Variants in TRMT44 observed in about 807,000 individuals in gnomAD.
TRMT44 encodes the protein tRNA methyltransferase 44 homolog.
A neutral mutation model predicts 77.3 loss-of-function variants in TRMT44; 78 were observed. The ratio of observed to expected loss-of-function variants is 1.01; its 90% CI spans 0.84 to 1.22. TRMT44 has a LOEUF of 1.22. TRMT44 is among the 50% of genes most tolerant of loss of function. TRMT44 has a pLI of 0.00. For synonymous variants in TRMT44, 391 were observed against 383.3 expected, an observed-to-expected ratio of 1.02 and a Z score of -0.23; for missense variants, 1,090 against 964.4, an observed-to-expected ratio of 1.13 and a Z score of -1.73.
chr4:8,508,335 G>A, the TRMT44 span, among the ~76,000 whole-genome samples: 1 of 152,368 alleles, frequency 6.6e-6, no homozygotes, highest in East Asian at 1.9e-4. Flanking sequence ...AGCAGGGGCT[G>A]CGGCTGGAGG....
intron 5 of TRMT44, 123 bp downstream of exon 5, chr4:8,453,112 A>G: frequency 1.8e-6 from 1 of 564,520 alleles, no homozygotes; most frequent in East Asian, 3.2e-5. Context: ...CAGCTATCAG[A>G]GTAGGTAGAG....
chr4:8,487,462 G>A (rs1727846745), intron 2 of TRMT44, among the ~76,000 whole-genome samples: 1 of 151,988 alleles, frequency 6.6e-6, no homozygotes, highest in South Asian at 2.1e-4. Context: ...AAGAGGTCGG[G>A]GCATGGAAAT....
At chr4:8,500,217 T>G in the TRMT44 span, among the ~76,000 whole-genome samples, 2 of 151,122 alleles carry the variant, frequency 1.3e-5, no homozygotes, top group South Asian at 4.2e-4. Flanking sequence ...AACAGCTGGG[T>G]GCGGTGGCTC....
In TRMT44 at chr4:8,458,706, C is replaced by T. The variant is rs570594860; in HGVS notation, c.1203+3893C>T. Reference sequence around the variant, plus strand: ...CTGACCTCAAGTGATCCACCCACCTCGGCCTCCCAAAGTACTGTGATTACA... The same window carrying T: ...CTGACCTCAAGTGATCCACCCACCTTGGCCTCCCAAAGTACTGTGATTACA... On this transcript the variant is annotated intron_variant, in intron 6 of 10. Coordinates refer to ENST00000389737, the MANE Select transcript of TRMT44 (RefSeq NM_152544.3). 5.2e-4 allele frequency among the ~76,000 whole-genome samples: 79 copies of T among 152,114 alleles called. 2 individuals are homozygous for T. The highest frequency in any genetic ancestry group is 4.1e-4 in the South Asian group (2 of 4,826).
At chr4:8,460,615 G>A (rs1043714447) in intron 6 of TRMT44, among the ~76,000 whole-genome samples, 7 of 149,990 alleles carry the variant, frequency 4.7e-5, no homozygotes, top group Non-Finnish European at 7.4e-5. Context: ...GTACAGTGGC[G>A]TGATCTCGGC....
chr4:8,462,328 T>G (rs1375194507), intron 6 of TRMT44, among the ~76,000 whole-genome samples: 1 of 152,116 alleles, frequency 6.6e-6, no homozygotes, highest in African/African-American at 2.4e-5. Context: ...GGAGAATCTC[T>G]TGAACCAGGG....
intron 10 of TRMT44, 45 bp downstream of exon 10, chr4:8,471,245 C>T (rs200135150): frequency 1.7e-5 from 22 of 1,310,136 alleles, no homozygotes; most frequent in Non-Finnish European, 2.3e-5. Context: ...TTCTTTTTCC[C>T]CCTTTTTTCA....
chr4:8,449,771 C>A lies in TRMT44; in HGVS notation c.837C>A (p.Ala279=). The A allele has an allele frequency of 6.5e-7, 1 of 1,535,920 alleles. No homozygotes were observed. The highest frequency in any genetic ancestry group is 8.7e-7 in the Non-Finnish European group (1 of 1,146,876). Reference sequence around the variant, plus strand: ...GAGAAGAGTTGCTGGCCAAGTTGGCCAAGTGGTCTGTAGAGAACAAGAAGA... The same window carrying A: ...GAGAAGAGTTGCTGGCCAAGTTGGCAAAGTGGTCTGTAGAGAACAAGAAGA... ...WLGEELLAKL[A]KWSVENKKSD... The change falls in exon 3 of 11, where the codon GCC becomes GCA. Residue 279 remains alanine, a synonymous_variant. Transcript: ENST00000389737.
intron 1 of TRMT44, among the ~76,000 whole-genome samples, chr4:8,443,466 T>C (rs1724877150): frequency 1.3e-5 from 2 of 152,234 alleles, no homozygotes; most frequent in South Asian, 2.1e-4. Flanking sequence ...CTTTGAATTT[T>C]GGTCTTGCCA....
At chr4:8,447,435 C>T (rs1012878189) in intron 2 of TRMT44, among the ~76,000 whole-genome samples, 5 of 152,288 alleles carry the variant, frequency 3.3e-5, no homozygotes, top group East Asian at 1.9e-4. Flanking sequence ...CTGTACTTTC[C>T]GAAACAGTCT....
intron 2 of TRMT44, among the ~76,000 whole-genome samples, chr4:8,486,339 C>T (rs1235471809): frequency 2.0e-5 from 3 of 152,184 alleles, no homozygotes; most frequent in Admixed American, 6.5e-5. Flanking sequence ...TGGGGTTTGT[C>T]TCACAGTGGA....
intron 6 of TRMT44, among the ~76,000 whole-genome samples, chr4:8,462,686 G>A (rs868241744): frequency 2.6e-5 from 4 of 152,096 alleles, no homozygotes; most frequent in African/African-American, 7.2e-5. Context: ...GCCTGGTGAC[G>A]GAGCAAGACT....
chr4:8,459,756 C>G (rs745504242), intron 6 of TRMT44, among the ~76,000 whole-genome samples: 6 of 152,164 alleles, frequency 3.9e-5, no homozygotes, highest in Admixed American at 3.9e-4. Flanking sequence ...TTGAGTGTCC[C>G]CTACCTGCCG....
At chr4:8,462,677 C>T (rs960995650) in intron 6 of TRMT44, among the ~76,000 whole-genome samples, 37 of 152,196 alleles carry the variant, frequency 2.4e-4, no homozygotes, top group African/African-American at 8.9e-4. Context: ...TGCACTCCAG[C>T]CTGGTGACGG....
the TRMT44 span, among the ~76,000 whole-genome samples, chr4:8,504,130 G>A: frequency 1.5e-3 from 217 of 148,486 alleles, 2 homozygotes; most frequent in African/African-American, 5.4e-3. This position sits in a 1 kb window ranked among gnomAD's most constrained non-coding sequence, Gnocchi z 5.3. Flanking sequence ...GGCGGGGCAG[G>A]GGCTGCATCA....
At chr4:8,475,274 C>T (rs1294660335) in intron 10 of TRMT44, among the ~76,000 whole-genome samples, 2 of 152,216 alleles carry the variant, frequency 1.3e-5, no homozygotes, top group African/African-American at 2.4e-5. Flanking sequence ...GATGTTTTCT[C>T]GTGTTTCGGC....
At chr4:8,483,907 G>A (rs1019631516) in intron 2 of TRMT44, among the ~76,000 whole-genome samples, 1 of 152,218 alleles carries the variant, frequency 6.6e-6, no homozygotes. Flanking sequence ...CTCAGGGCAT[G>A]TTGAGTAAAG....
At chr4:8,479,309 G>A (rs970616399), downstream of TRMT44, 1 of 151,888 alleles carries the variant, frequency 6.6e-6, no homozygotes, top group Non-Finnish European at 1.5e-5. Context: ...GGTGGTTCAC[G>A]AGAAAGCACA....
At chr4:8,482,213 ACTCCTCAACGGCATC>A (rs1727637623) in intron 2 of TRMT44, 1 of 152,006 alleles carries the variant, frequency 6.6e-6, no homozygotes, top group South Asian at 2.1e-4. Context: ...GCCTGGAGGC[ACTCCTCAACGGCATC>A]CTCCTCCACC....
Sources: gnomAD v4.1 joint callset for allele counts (sites outside exome capture counted in the v4.1 genomes callset) on GRCh38, gnomAD v4.1.1 for gene constraint, Gnocchi (gnomAD v3.1) non-coding constraint, MANE v1.5 for transcripts, NCBI Gene and HGNC (gene_info 2026-07-23, HGNC 2026-07-21) for gene names.